Variants in TENM3 observed in about 807,000 individuals in gnomAD.
TENM3 encodes the protein teneurin transmembrane protein 3, also known as teneurin-3.
A neutral mutation model predicts 255.1 loss-of-function variants in TENM3; 63 were observed. That is an observed-to-expected ratio of 0.25 (90% CI 0.20 to 0.30). The LOEUF is 0.30. Among genes scored for constraint, TENM3 ranks in the 10% least tolerant of loss-of-function variants. The pLI is 1.00. For missense variants in TENM3, 2,929 were observed against 3,461.1 expected, an observed-to-expected ratio of 0.85 and a Z score of 3.86; for synonymous variants, 1,306 against 1,322.3, an observed-to-expected ratio of 0.99 and a Z score of 0.27.
At chr4:182,462,254 C>T (rs191572996) in intron 3 of TENM3, among the ~76,000 whole-genome samples, 24 of 152,076 alleles carry the variant, frequency 1.6e-4, no homozygotes, top group Admixed American at 1.3e-3. Context: ...GACTGAGTCT[C>T]GCTACGTTGC....
chr4:181,687,597 C>A, the TENM3 span, among the ~76,000 whole-genome samples: 10 of 152,138 alleles, frequency 6.6e-5, no homozygotes, highest in Non-Finnish European at 1.0e-4. Flanking sequence ...TTGTTTGCAG[C>A]CAGTTGTTAG....
At chr4:182,661,585 C>CTTA (rs1228530875) in intron 6 of TENM3, among the ~76,000 whole-genome samples, 2 of 152,228 alleles carry the variant, frequency 1.3e-5, no homozygotes, top group East Asian at 3.9e-4. Flanking sequence ...GTAGTTATGT[C>CTTA]TTATTTCACT....
At chr4:182,445,839 G>A (rs1023852866) in intron 3 of TENM3, among the ~76,000 whole-genome samples, 3 of 152,146 alleles carry the variant, frequency 2.0e-5, no homozygotes, top group Non-Finnish European at 4.4e-5. Context: ...GAACTGTGGG[G>A]AATTCCGCAG....
the TENM3 span, among the ~76,000 whole-genome samples, chr4:181,796,870 C>G: frequency 6.6e-6 from 1 of 152,302 alleles, no homozygotes; most frequent in East Asian, 1.9e-4. Flanking sequence ...ATATATGCAT[C>G]CACTTTTACA....
chr4:181,576,237 T>C, the TENM3 span, among the ~76,000 whole-genome samples: 56 of 152,332 alleles, frequency 3.7e-4, no homozygotes, highest in African/African-American at 1.3e-3. Context: ...CTTAAAATAA[T>C]GGCCTCCAGT....
chr4:181,769,311 G>A, the TENM3 span, among the ~76,000 whole-genome samples: 3 of 152,286 alleles, frequency 2.0e-5, no homozygotes, highest in Non-Finnish European at 1.5e-5. Flanking sequence ...GCTTCCGCAT[G>A]CAAAGGAGAG....
chr4:181,448,398 C>T, the TENM3 span, among the ~76,000 whole-genome samples: 34 of 151,306 alleles, frequency 2.2e-4, no homozygotes, highest in African/African-American at 8.3e-4. Flanking sequence ...GTCTCGATCT[C>T]CTGACCTCGT....
intron 3 of TENM3, among the ~76,000 whole-genome samples, chr4:182,386,426 C>T (rs1056587915): frequency 2.6e-5 from 4 of 152,238 alleles, no homozygotes; most frequent in Non-Finnish European, 5.9e-5. Flanking sequence ...CGCTTGCTCT[C>T]GGCGCCTCCT....
the TENM3 span, among the ~76,000 whole-genome samples, chr4:181,972,071 T>G: frequency 0.021 from 3,215 of 151,982 alleles, 48 homozygotes; most frequent in Non-Finnish European, 0.033. Context: ...ATAAAAGGTA[T>G]GGGAAACTAC....
intron 1 of TENM3, among the ~76,000 whole-genome samples, chr4:182,162,720 A>G (rs1751438169): frequency 6.6e-6 from 1 of 152,216 alleles, no homozygotes; most frequent in African/African-American, 2.4e-5. Context: ...ATGTTGCCTC[A>G]AATACTGCAT....
chr4:181,959,046 GTTGT>G, the TENM3 span, among the ~76,000 whole-genome samples: 1 of 152,064 alleles, frequency 6.6e-6, no homozygotes, highest in Non-Finnish European at 1.5e-5. Flanking sequence ...TTTTGTTGTT[GTTGT>G]TTGTTTGGTT....
At chr4:181,563,356 C>G in the TENM3 span, among the ~76,000 whole-genome samples, 81 of 152,276 alleles carry the variant, frequency 5.3e-4, 1 homozygote, top group Non-Finnish European at 7.4e-4. Flanking sequence ...GTGTGTTTCT[C>G]TGTGCCCAAG....
chr4:182,459,862 T>C (rs1177458289), intron 3 of TENM3, among the ~76,000 whole-genome samples: 1 of 152,166 alleles, frequency 6.6e-6, no homozygotes, highest in East Asian at 1.9e-4. Context: ...TCACTTCAGT[T>C]GAGGCAGAAT....
chr4:182,265,242 A>G (rs1759171028), intron 1 of TENM3, among the ~76,000 whole-genome samples: 1 of 152,150 alleles, frequency 6.6e-6, no homozygotes, highest in Non-Finnish European at 1.5e-5. Flanking sequence ...TATAATAACT[A>G]GGTAGGAAAT....
chr4:182,601,452 T>C (rs930937344), intron 4 of TENM3, among the ~76,000 whole-genome samples: 5 of 152,196 alleles, frequency 3.3e-5, no homozygotes, highest in Non-Finnish European at 5.9e-5. Flanking sequence ...TTATCAGGCA[T>C]GTGGAGAAAA....
the TENM3 span, among the ~76,000 whole-genome samples, chr4:181,554,257 C>G: frequency 6.6e-6 from 1 of 152,174 alleles, no homozygotes; most frequent in Admixed American, 6.5e-5. Context: ...TAAGGACCCA[C>G]TGAAAAGCTG....
the TENM3 span, among the ~76,000 whole-genome samples, chr4:181,623,834 A>G: frequency 6.6e-6 from 1 of 152,236 alleles, no homozygotes; most frequent in South Asian, 2.1e-4. Context: ...TTTATGTTTG[A>G]GACACAAAAT....
the TENM3 span, among the ~76,000 whole-genome samples, chr4:181,714,710 CT>C: frequency 6.6e-6 from 1 of 151,996 alleles, no homozygotes; most frequent in Non-Finnish European, 1.5e-5. Flanking sequence ...TGCTGGAGTT[CT>C]TTTTTTATGA....
chr4:181,858,039 T>G, the TENM3 span, among the ~76,000 whole-genome samples: 1 of 152,172 alleles, frequency 6.6e-6, no homozygotes, highest in African/African-American at 2.4e-5. Context: ...CTTCTAAATA[T>G]CTAGAGTATT....
Sources: allele counts gnomAD v4.1 joint callset (sites outside exome capture counted in the v4.1 genomes callset), GRCh38; gene constraint gnomAD v4.1.1; transcripts MANE v1.5; gene names NCBI Gene and HGNC (gene_info 2026-07-23, HGNC 2026-07-21).